The following TYR variants were observed in gnomAD, a reference collection of about 807,000 sequenced individuals.
TYR encodes the protein LB24-AB.
Under a neutral mutation model 51.5 loss-of-function variants are expected in TYR, and 58 were observed. That is an observed-to-expected ratio of 1.13 (90% confidence interval 0.91 to 1.40). The LOEUF is 1.40. Ranked by LOEUF, TYR falls within the 40% of genes most tolerant of loss-of-function variation. The pLI is 0.00. For missense variants in TYR, 732 were observed against 647.4 expected, an observed-to-expected ratio of 1.13 and a Z score of -1.42; for synonymous variants, 263 against 235.2, an observed-to-expected ratio of 1.12 and a Z score of -1.08.
At chr11:89,235,719 T>TA in intron 3 of TYR, among the ~76,000 whole-genome samples, 1 of 152,058 alleles carries the variant, frequency 6.6e-6, no homozygotes, top group East Asian at 1.9e-4. Flanking sequence ...AGTTGAAGGG[T>TA]ACAAAGTTTT....
At chr11:89,263,965 G>A (rs959790120) in intron 3 of TYR, among the ~76,000 whole-genome samples, 1 of 152,020 alleles carries the variant, frequency 6.6e-6, no homozygotes, top group Non-Finnish European at 1.5e-5. Context: ...GTGAGAGGAA[G>A]TTAAAAGATC....
chr11:89,191,289 A>T lies in TYR; in HGVS notation c.907A>T (p.Asn303Tyr), dbSNP rs1943441522. 6.2e-7 allele frequency: 1 copy of T among 1,613,746 alleles called. No individual in the cohort carries two copies. Among genetic ancestry groups the T allele is most frequent in the Admixed American group, 1.7e-5 (1 of 59,936 alleles). Residue 303 changes from asparagine to tyrosine, a missense_variant, in exon 2 of 5, where the codon AAC becomes TAC. Physicochemically the swap from Asn to Tyr is moderately radical, Grantham distance 143. Transcript: ENST00000263321. ...PEGPLRRNPG[N>Y]HDKSRTPRLP... The stretch of plus-strand genomic sequence containing the variant: ...GGGACCTTTACGGCGTAATCCTGGA[A>T]ACCATGACAAATCCAGAACCCCAAG...
intron 2 of TYR, among the ~76,000 whole-genome samples, chr11:89,203,507 A>G (rs947047027): frequency 6.6e-6 from 1 of 152,216 alleles, no homozygotes; most frequent in African/African-American, 2.4e-5. Flanking sequence ...ACAGACTTCT[A>G]CTTCTGGGAA....
In TYR at chr11:89,180,567, T is replaced by C. The variant is rs1267389969; in HGVS notation, c.819+1795T>C. ...AATACTCTCTAGAAAAAAAAAAAAG[T>C]GTGTCAAGTCAGTAAGCCCTGAACT... On this transcript the variant is annotated intron_variant, in intron 1 of 4. Transcript: ENST00000263321. Among the ~76,000 whole-genome samples, 19 of 149,450 alleles carry C rather than the reference T, an allele frequency of 1.3e-4. No homozygotes were observed. In the East Asian group the frequency reaches 3.7e-3, roughly 29 times the overall value.
At chr11:89,236,699 C>A (rs990072275) in intron 3 of TYR, among the ~76,000 whole-genome samples, 1 of 152,160 alleles carries the variant, frequency 6.6e-6, no homozygotes, top group Non-Finnish European at 1.5e-5. Context: ...TTCAATTATG[C>A]ACAAATATAT....
At chr11:89,273,407 G>A (rs937733951) in intron 3 of TYR, among the ~76,000 whole-genome samples, 2 of 151,808 alleles carry the variant, frequency 1.3e-5, no homozygotes, top group African/African-American at 4.8e-5. Context: ...GCTGGCAGGT[G>A]GAGCAGTCAG....
At chr11:89,281,801 T>A (rs1316754669) in intron 3 of TYR, among the ~76,000 whole-genome samples, 2 of 151,816 alleles carry the variant, frequency 1.3e-5, no homozygotes, top group Admixed American at 6.6e-5. Flanking sequence ...ATAAAACACA[T>A]CTTTCCATAT....
chr11:89,238,480 T>C (rs1944149516), intron 3 of TYR, among the ~76,000 whole-genome samples: 1 of 152,140 alleles, frequency 6.6e-6, no homozygotes. Flanking sequence ...TAATTTTTAA[T>C]AGAATTTTAG....
intron 3 of TYR, among the ~76,000 whole-genome samples, chr11:89,253,591 T>A (rs1394609758): frequency 6.6e-6 from 1 of 151,836 alleles, no homozygotes; most frequent in Non-Finnish European, 1.5e-5. Flanking sequence ...GCAGCTATTT[T>A]AAAAGGGGCT....
chr11:89,268,811 A>G (rs1944555326), intron 3 of TYR, among the ~76,000 whole-genome samples: 1 of 151,782 alleles, frequency 6.6e-6, no homozygotes, highest in Non-Finnish European at 1.5e-5. Context: ...TTGATCCCGC[A>G]CTGCTCTACA....
intron 3 of TYR, among the ~76,000 whole-genome samples, chr11:89,256,073 G>T (rs887803124): frequency 2.6e-5 from 4 of 151,690 alleles, no homozygotes; most frequent in African/African-American, 9.6e-5. Flanking sequence ...TAGAATCAGG[G>T]TGAAATATGA....
chr11:89,196,734 G>A (rs150399437), intron 2 of TYR, among the ~76,000 whole-genome samples: 50 of 152,166 alleles, frequency 3.3e-4, no homozygotes, highest in African/African-American at 7.9e-4. Flanking sequence ...TATTCAGTCC[G>A]ACATCCCACA....
At chr11:89,281,537 T>G (rs1177696900) in intron 3 of TYR, among the ~76,000 whole-genome samples, 1 of 151,714 alleles carries the variant, frequency 6.6e-6, no homozygotes, top group East Asian at 1.9e-4. Context: ...ATCGAAGTGT[T>G]TCAGTGTTCC....
chr11:89,184,690 G>A (rs1369825609), intron 1 of TYR, among the ~76,000 whole-genome samples: 8 of 152,194 alleles, frequency 5.3e-5, no homozygotes, highest in Admixed American at 1.3e-4. Flanking sequence ...GTTTCTTTTC[G>A]TATATTATGT....
At chr11:89,240,085 A>G (rs1336861181) in intron 3 of TYR, among the ~76,000 whole-genome samples, 4 of 151,660 alleles carry the variant, frequency 2.6e-5, no homozygotes, top group Admixed American at 6.6e-5. Context: ...ATGTTTCTCT[A>G]TTGAGTAGGG....
chr11:89,269,361 C>T (rs1944562766), intron 3 of TYR, among the ~76,000 whole-genome samples: 1 of 151,898 alleles, frequency 6.6e-6, no homozygotes, highest in Non-Finnish European at 1.5e-5. Flanking sequence ...TGGCCTGGCT[C>T]ATTTTATTTG....
chr11:89,262,864 A>AACAAAC (rs1944476929), intron 3 of TYR, among the ~76,000 whole-genome samples: 3 of 145,506 alleles, frequency 2.1e-5, no homozygotes, highest in African/African-American at 7.8e-5. Context: ...AAAAAAAAAA[A>AACAAAC]AAAAAAAACA....
chr11:89,249,814 CAT>C (rs1189500607), intron 3 of TYR, among the ~76,000 whole-genome samples: 3 of 151,808 alleles, frequency 2.0e-5, no homozygotes, highest in African/African-American at 7.3e-5. Context: ...GAGAAAGAGA[CAT>C]AGGAGAAAAA....
intron 3 of TYR, among the ~76,000 whole-genome samples, chr11:89,281,808 A>G (rs1565422669): frequency 6.6e-6 from 1 of 151,752 alleles, no homozygotes; most frequent in Non-Finnish European, 1.5e-5. Context: ...ACATCTTTCC[A>G]TATTTCCATC....
Sources: allele counts gnomAD v4.1 joint callset (sites outside exome capture counted in the v4.1 genomes callset), GRCh38; gene constraint gnomAD v4.1.1; transcripts MANE v1.5; gene names NCBI Gene and HGNC (gene_info 2026-07-23, HGNC 2026-07-21).